The following ANO3 variants were observed in gnomAD, a reference collection of about 807,000 sequenced individuals.
ANO3 encodes anoctamin 3, also known as anoctamin-3.
Under a neutral mutation model 144.8 loss-of-function variants are expected in ANO3, and 99 were observed. That is an observed-to-expected ratio of 0.68 (90% CI 0.58 to 0.81). The LOEUF is 0.81. ANO3 is among the 30% of genes least tolerant of loss of function. The pLI, the probability that ANO3 is intolerant of heterozygous loss-of-function variation, is 0.00. For synonymous variants in ANO3, 414 were observed against 392.6 expected (o/e 1.05, Z -0.64); for missense variants, 905 against 1,202.2 (o/e 0.75, Z 3.66).
intron 12 of ANO3, among the ~76,000 whole-genome samples, chr11:26,548,903 C>T (rs771725630): frequency 1.3e-5 from 2 of 150,342 alleles, no homozygotes; most frequent in Non-Finnish European, 3.0e-5. Flanking sequence ...GTATCAGTAA[C>T]ATCCGGGGCT....
chr11:26,617,827 A>G (rs1852303879), intron 17 of ANO3, among the ~76,000 whole-genome samples: 1 of 152,218 alleles, frequency 6.6e-6, no homozygotes, highest in African/African-American at 2.4e-5. Context: ...TTCTGAATTT[A>G]TGCATTCTCT....
intron 1 of ANO3, among the ~76,000 whole-genome samples, chr11:26,317,158 T>C (rs1382930515): frequency 2.0e-5 from 3 of 151,928 alleles, no homozygotes; most frequent in Non-Finnish European, 2.9e-5. Context: ...TGAAATAACA[T>C]GGATGCAGAG....
At chr11:26,266,623 C>A (rs1293309383) in intron 1 of ANO3, among the ~76,000 whole-genome samples, 1 of 151,680 alleles carries the variant, frequency 6.6e-6, no homozygotes, top group East Asian at 2.0e-4. Flanking sequence ...TTAGTAGAGA[C>A]AGGAGTTGAC....
Position 26,663,237 on chromosome 11 carries a change from G to T in ANO3, c.*2793G>T, listed in dbSNP as rs999113524. The T allele has an allele frequency of 1.3e-5, 2 of 152,148 alleles. No homozygotes were observed. Among genetic ancestry groups the T allele is most frequent in the Non-Finnish European group, 1.5e-5 (1 of 67,968 alleles). The allele number at this position is 152,148 out of a possible 1,614,324, so 9.4% of individuals were successfully genotyped here. A position where few individuals can be genotyped will look rare whatever the true frequency, so the allele number is the denominator to read the frequency against. On this transcript the variant is annotated 3_prime_UTR_variant, in exon 27 of 27. Coordinates refer to ENST00000256737, the MANE Select transcript of ANO3 (RefSeq NM_031418.4). ...TGATCCTTAGCACAATCTATTGTATGATGGAATGAATAGAAAACTTTTTCA... is the reference window on the plus strand; with the variant it reads ...TGATCCTTAGCACAATCTATTGTATTATGGAATGAATAGAAAACTTTTTCA...
At chr11:26,351,759 T>C (rs1188225970) in intron 1 of ANO3, among the ~76,000 whole-genome samples, 1 of 152,248 alleles carries the variant, frequency 6.6e-6, no homozygotes, top group Non-Finnish European at 1.5e-5. Context: ...ACAGTCTGTT[T>C]ACACATCCAG....
At chr11:26,212,657 A>T (rs1290586958) in intron 1 of ANO3, among the ~76,000 whole-genome samples, 1 of 152,048 alleles carries the variant, frequency 6.6e-6, no homozygotes, top group Non-Finnish European at 1.5e-5. Context: ...CTACCAACCA[A>T]AAAAAGCCCA....
chr11:26,622,249 G>A (rs1340786963), intron 17 of ANO3, among the ~76,000 whole-genome samples: 1 of 152,012 alleles, frequency 6.6e-6, no homozygotes, highest in Non-Finnish European at 1.5e-5. Context: ...CCCCCCTAAT[G>A]CATCAGTTGC....
chr11:26,644,848 CAT>C lies in ANO3; in HGVS notation c.2428+1516_2428+1517del, dbSNP rs71449133. On this transcript the variant is annotated intron_variant, in intron 23 of 26. Coordinates refer to ENST00000256737, the MANE Select transcript of ANO3 (RefSeq NM_031418.4). ...ACACACACACACACACACACACACA[CAT>C]ACCATATATACATACTATAACTGTG... 2.3e-3 allele frequency among the ~76,000 whole-genome samples: 343 copies of C among 148,682 alleles called. 3 individuals are homozygous for C. The East Asian group carries it at 0.029, about 13-fold the overall frequency.
chr11:26,542,809 A>C (rs1476916037), intron 11 of ANO3, among the ~76,000 whole-genome samples: 1 of 147,630 alleles, frequency 6.8e-6, no homozygotes, highest in East Asian at 2.1e-4. Flanking sequence ...AATCTGTATT[A>C]ACAAGGACTT....
chr11:26,377,789 A>T (rs758242082), intron 1 of ANO3, among the ~76,000 whole-genome samples: 1 of 152,110 alleles, frequency 6.6e-6, no homozygotes. Context: ...AAGAGAAATG[A>T]TTACCTACAA....
At chr11:26,319,144 C>T (rs1285292260) in intron 1 of ANO3, among the ~76,000 whole-genome samples, 2 of 150,834 alleles carry the variant, frequency 1.3e-5, no homozygotes, top group East Asian at 1.9e-4. Flanking sequence ...TTCCAGATAA[C>T]ATTATTATTA....
upstream of ANO3, chr11:26,332,023 A>C (rs1855056514): frequency 1.7e-6 from 2 of 1,151,524 alleles, no homozygotes; most frequent in African/African-American, 1.6e-5. Context: ...GTGGCACTGG[A>C]CGCGCGGGGG....
At chr11:26,453,815 A>T (rs1263996176) in intron 3 of ANO3, among the ~76,000 whole-genome samples, 1 of 152,152 alleles carries the variant, frequency 6.6e-6, no homozygotes, top group Non-Finnish European at 1.5e-5. Flanking sequence ...TCCAAAATTG[A>T]CCACATGGTT....
chr11:26,625,394 C>A (rs1389350585), intron 18 of ANO3, among the ~76,000 whole-genome samples: 1 of 152,120 alleles, frequency 6.6e-6, no homozygotes, highest in African/African-American at 2.4e-5. Context: ...CCCTGTCCCC[C>A]GACACTCCAT....
At chr11:26,506,602 A>G (rs1203197289) in intron 4 of ANO3, among the ~76,000 whole-genome samples, 2 of 152,204 alleles carry the variant, frequency 1.3e-5, no homozygotes, top group Admixed American at 1.3e-4. Context: ...CAGAATTCCA[A>G]GTTAATCCTG....
In ANO3 at chr11:26,647,767, T is replaced by C; in HGVS notation, c.2487T>C (p.Phe829=). Residue 829 remains phenylalanine, a synonymous_variant, in exon 24 of 27, where the codon TTT becomes TTC. Transcript: ENST00000256737. ...IGILAVITNA[F]VIAITSDYIP... is the part of the protein sequence containing the mutation. ...TATTGGCTGTGATCACCAATGCATT[T>C]GTAATTGCTATTACTTCTGATTACA... 2 of 1,613,376 alleles carry C rather than the reference T, an allele frequency of 1.2e-6. No individual in the cohort carries two copies. The highest frequency in any genetic ancestry group is 1.7e-6 in the Non-Finnish European group (2 of 1,179,506).
At chr11:26,211,507 T>C (rs900084212) in intron 1 of ANO3, among the ~76,000 whole-genome samples, 11 of 152,150 alleles carry the variant, frequency 7.2e-5, no homozygotes, top group African/African-American at 2.7e-4. Context: ...CAAACCACAA[T>C]GAGATACCAT....
At position 26,611,972 on chromosome 11, in the gene ANO3, C is replaced by A. The variant is rs141453020; in HGVS notation, c.1836+12258C>A. 2.0e-5 allele frequency among the ~76,000 whole-genome samples: 3 copies of A among 152,080 alleles called. No homozygotes were observed. In the East Asian group the frequency reaches 5.8e-4, roughly 29 times the overall value. Reference sequence around the variant, plus strand: ...TTGCATGGAATATCTTTTTCCATGCCTTCACTTTCAGCCTACCTTTGTCTT... The same window carrying A: ...TTGCATGGAATATCTTTTTCCATGCATTCACTTTCAGCCTACCTTTGTCTT... On this transcript the variant is annotated intron_variant, in intron 17 of 26. Coordinates refer to ENST00000256737, the MANE Select transcript of ANO3 (RefSeq NM_031418.4).
chr11:26,410,749 T>G lies in ANO3; in HGVS notation c.47-31169T>G, dbSNP rs568652435. On this transcript the variant is annotated intron_variant, in intron 1 of 26. Transcript: ENST00000256737. ...AGATTTCTGCTCTACGAAAAGAAGG[T>G]TAACAGCTGGAACTGTCTGAATGTA... Among the ~76,000 whole-genome samples, 221 of 152,110 alleles carry G rather than the reference T, an allele frequency of 1.5e-3. 2 individuals are homozygous for G. Among genetic ancestry groups the G allele is most frequent in the Non-Finnish European group, 1.6e-3 (112 of 67,956 alleles).
Sources: allele counts gnomAD v4.1 joint callset (sites outside exome capture counted in the v4.1 genomes callset), GRCh38; gene constraint gnomAD v4.1.1; transcripts MANE v1.5; gene names NCBI Gene and HGNC (gene_info 2026-07-23, HGNC 2026-07-21).